Variants in GALNT13 observed in about 807,000 individuals in gnomAD.
GALNT13 encodes the protein UDP-GalNAc:polypeptide N-acetylgalactosaminyltransferase 13.
A neutral mutation model predicts 64.2 loss-of-function variants in GALNT13; 28 were observed. The ratio of observed to expected loss-of-function variants is 0.44; its 90% CI spans 0.32 to 0.60. GALNT13 has a LOEUF of 0.60. GALNT13 is among the 20% of genes least tolerant of loss of function. The probability of loss-of-function intolerance (pLI) is 0.05; values close to 1 mark genes in which losing one functional copy is unlikely to be tolerated. For missense variants in GALNT13, 577 were observed against 669.8 expected, an observed-to-expected ratio of 0.86 and a Z score of 1.53; for synonymous variants, 214 against 224.6, an observed-to-expected ratio of 0.95 and a Z score of 0.42.
chr2:153,551,253 C>T, the GALNT13 span, among the ~76,000 whole-genome samples: 7 of 152,154 alleles, frequency 4.6e-5, no homozygotes, highest in Admixed American at 6.5e-5. Context: ...CTCTGCTGAC[C>T]ACACTCCTAC....
chr2:153,624,741 A>G, the GALNT13 span, among the ~76,000 whole-genome samples: 2 of 151,434 alleles, frequency 1.3e-5, no homozygotes, highest in South Asian at 4.2e-4. Context: ...TCTAACAAAG[A>G]TGTCTAATGT....
chr2:153,533,723 C>CTTTTTTTTTT, the GALNT13 span, among the ~76,000 whole-genome samples: 691 of 48,560 alleles, frequency 0.014, 139 homozygotes, highest in Middle Eastern at 0.023. Context: ...TGAGGTTTTT[C>CTTTTTTTTTT]TTTTTTTTTT....
chr2:153,132,468 T>C, the GALNT13 span, among the ~76,000 whole-genome samples: 5 of 152,192 alleles, frequency 3.3e-5, no homozygotes, highest in Non-Finnish European at 7.3e-5. Context: ...CTACCCATGT[T>C]TTCATTTGGA....
the GALNT13 span, among the ~76,000 whole-genome samples, chr2:153,606,648 A>G: frequency 2.5e-4 from 38 of 152,152 alleles, no homozygotes; most frequent in African/African-American, 9.2e-4. Context: ...ATAACCTTGA[A>G]CTCTCAGGCC....
chr2:153,156,805 T>C, the GALNT13 span, among the ~76,000 whole-genome samples: 1 of 152,184 alleles, frequency 6.6e-6, no homozygotes, highest in African/African-American at 2.4e-5. Flanking sequence ...AAGAGCTTTT[T>C]GTTTTCTTTC....
At chr2:154,179,580 G>T (rs1291439738) in intron 4 of GALNT13, among the ~76,000 whole-genome samples, 1 of 151,980 alleles carries the variant, frequency 6.6e-6, no homozygotes, top group Non-Finnish European at 1.5e-5. Flanking sequence ...ATTTTTGCAG[G>T]GTTGTATCTT....
At chr2:154,152,595 C>T (rs1351263420) in intron 4 of GALNT13, among the ~76,000 whole-genome samples, 1 of 152,144 alleles carries the variant, frequency 6.6e-6, no homozygotes, top group Non-Finnish European at 1.5e-5. Context: ...GGTCTTTTCA[C>T]ATAGTCCCAT....
the GALNT13 span, among the ~76,000 whole-genome samples, chr2:153,831,903 T>C: frequency 6.6e-6 from 1 of 152,226 alleles, no homozygotes; most frequent in South Asian, 2.1e-4. Flanking sequence ...GACATATTTC[T>C]AGTTAATTAT....
At chr2:153,516,081 A>G in the GALNT13 span, among the ~76,000 whole-genome samples, 10 of 152,224 alleles carry the variant, frequency 6.6e-5, no homozygotes, top group Non-Finnish European at 1.5e-4. Context: ...TTTAATTCAA[A>G]TAAATGATAT....
the GALNT13 span, among the ~76,000 whole-genome samples, chr2:153,234,793 C>G: frequency 6.6e-6 from 1 of 152,096 alleles, no homozygotes; most frequent in African/African-American, 2.4e-5. Flanking sequence ...CTCTTCACAT[C>G]TAATTTTGAA....
the GALNT13 span, among the ~76,000 whole-genome samples, chr2:153,369,814 A>G: frequency 2.6e-5 from 4 of 152,176 alleles, no homozygotes; most frequent in African/African-American, 9.6e-5. Flanking sequence ...GACAATAACC[A>G]CTTGAGTCAG....
the GALNT13 span, among the ~76,000 whole-genome samples, chr2:153,241,144 C>A: frequency 6.6e-6 from 1 of 151,540 alleles, no homozygotes; most frequent in African/African-American, 2.4e-5. Flanking sequence ...TGATGGAAGT[C>A]CAGCAGGCCT....
At chr2:153,632,716 C>G in the GALNT13 span, among the ~76,000 whole-genome samples, 5 of 151,924 alleles carry the variant, frequency 3.3e-5, no homozygotes, top group African/African-American at 7.2e-5. Flanking sequence ...TGTGTTTTTT[C>G]ATGATTTGAT....
the GALNT13 span, among the ~76,000 whole-genome samples, chr2:153,753,646 C>T: frequency 4.2e-4 from 64 of 152,124 alleles, no homozygotes; most frequent in Non-Finnish European, 6.9e-4. Context: ...TGGAATGACA[C>T]GAGCACCCCT....
At chr2:153,176,638 C>A in the GALNT13 span, among the ~76,000 whole-genome samples, 1 of 151,426 alleles carries the variant, frequency 6.6e-6, no homozygotes, top group African/African-American at 2.4e-5. Context: ...GTCTAATTAT[C>A]TATTTAGATC....
the GALNT13 span, among the ~76,000 whole-genome samples, chr2:153,609,725 G>T: frequency 6.6e-6 from 1 of 152,060 alleles, no homozygotes; most frequent in Non-Finnish European, 1.5e-5. Context: ...AACCTTATTT[G>T]ATCTCAAATA....
intron 3 of GALNT13, among the ~76,000 whole-genome samples, chr2:154,131,787 G>A (rs1369927261): frequency 6.6e-6 from 1 of 152,178 alleles, no homozygotes; most frequent in Non-Finnish European, 1.5e-5. Flanking sequence ...ACAATAGGCT[G>A]TCTGTAAGCT....
chr2:153,899,028 C>G (rs916953826), intron 1 of GALNT13, among the ~76,000 whole-genome samples: 4 of 152,066 alleles, frequency 2.6e-5, no homozygotes, highest in African/African-American at 4.8e-5. Flanking sequence ...TTATAAAAAT[C>G]TTCACTTTTT....
chr2:153,270,096 A>C, the GALNT13 span, among the ~76,000 whole-genome samples: 1 of 152,224 alleles, frequency 6.6e-6, no homozygotes, highest in Non-Finnish European at 1.5e-5. Flanking sequence ...AGATGGTTTC[A>C]AAAGATCCAT....
Sources: gnomAD v4.1 joint callset for allele counts (sites outside exome capture counted in the v4.1 genomes callset) on GRCh38, gnomAD v4.1.1 for gene constraint, MANE v1.5 for transcripts, NCBI Gene and HGNC (gene_info 2026-07-23, HGNC 2026-07-21) for gene names.